ASS1: variants seen among roughly 807,000 people sequenced by gnomAD.
The protein encoded by ASS1 is argininosuccinate synthase.
In ASS1, 58 loss-of-function variants were observed where a neutral mutation model predicts 60.5. That is an observed-to-expected ratio of 0.96 (90% CI 0.78 to 1.19). The LOEUF (loss-of-function observed/expected upper bound fraction) is 1.19, where lower values mean the gene tolerates loss of function less well. ASS1 is among the 50% of genes most tolerant of loss of function. The pLI, the probability that ASS1 is intolerant of heterozygous loss-of-function variation, is 0.00. For synonymous variants in ASS1, 200 were observed against 206.9 expected, an observed-to-expected ratio of 0.97 and a Z score of 0.29; for missense variants, 454 against 547.3, an observed-to-expected ratio of 0.83 and a Z score of 1.70.
intron 14 of ASS1, among the ~76,000 whole-genome samples, chr9:130,500,425 C>T (rs1266394687): frequency 6.6e-6 from 1 of 152,148 alleles, no homozygotes; most frequent in Non-Finnish European, 1.5e-5. Flanking sequence ...TCTCCATCAC[C>T]AGCTCCCTTC....
intron 3 of ASS1, among the ~76,000 whole-genome samples, chr9:130,457,348 G>A (rs547692152): frequency 1.6e-4 from 25 of 152,180 alleles, no homozygotes; most frequent in African/African-American, 2.7e-4. Context: ...GCACATGCCC[G>A]TAGTCCCAGC....
intron 4 of ASS1, among the ~76,000 whole-genome samples, chr9:130,463,356 G>A (rs1282664080): frequency 1.3e-5 from 2 of 152,224 alleles, no homozygotes; most frequent in African/African-American, 4.8e-5. Context: ...GTGGACGGTG[G>A]TCCCGGCTAT....
At chr9:130,473,642 C>T (rs998093345) in intron 8 of ASS1, among the ~76,000 whole-genome samples, 2 of 152,112 alleles carry the variant, frequency 1.3e-5, no homozygotes, top group African/African-American at 2.4e-5. Flanking sequence ...CTGTCCCCCT[C>T]GGGATGAGCT....
intron 5 of ASS1, among the ~76,000 whole-genome samples, chr9:130,465,189 T>C (rs1017607534): frequency 1.3e-5 from 2 of 151,850 alleles, no homozygotes; most frequent in Non-Finnish European, 2.9e-5. Context: ...ACTGGGACTA[T>C]AGGCATGCGC....
At chr9:130,475,538 C>T (rs534960060) in intron 8 of ASS1, among the ~76,000 whole-genome samples, 2 of 152,114 alleles carry the variant, frequency 1.3e-5, no homozygotes, top group Non-Finnish European at 2.9e-5. Flanking sequence ...GAGGACCTCG[C>T]GGGGCTCCTG....
chr9:130,451,560 G>A, intron 1 of ASS1: 1 of 345,606 alleles, frequency 2.9e-6, no homozygotes, highest in South Asian at 2.2e-5. Flanking sequence ...GAGAGGGACT[G>A]GGGCTGGGCC....
intron 11 of ASS1, among the ~76,000 whole-genome samples, chr9:130,487,400 G>GTT (rs34339017): frequency 1.6e-3 from 243 of 147,560 alleles, no homozygotes; most frequent in Middle Eastern, 7.1e-3. Flanking sequence ...ATCCTTCATG[G>GTT]TTTTTTTTTT....
At chr9:130,453,078 T>G (rs1430818297) in intron 2 of ASS1, among the ~76,000 whole-genome samples, 1 of 152,224 alleles carries the variant, frequency 6.6e-6, no homozygotes, top group Non-Finnish European at 1.5e-5. Flanking sequence ...TATCTCCAAC[T>G]CTACTTGGCT....
At chr9:130,492,289 C>T (rs1205277111) in intron 12 of ASS1, among the ~76,000 whole-genome samples, 4 of 152,184 alleles carry the variant, frequency 2.6e-5, no homozygotes, top group African/African-American at 7.2e-5. Context: ...GCTGAGGGCA[C>T]GCCAGGGTCT....
intron 2 of ASS1, among the ~76,000 whole-genome samples, chr9:130,452,579 CGG>C (rs1845352756): frequency 6.6e-6 from 1 of 152,156 alleles, no homozygotes; most frequent in African/African-American, 2.4e-5. Flanking sequence ...GATGGAGGCG[CGG>C]GGAGGGCACA....
At chr9:130,463,308 C>T (rs1845647951) in intron 4 of ASS1, among the ~76,000 whole-genome samples, 2 of 152,234 alleles carry the variant, frequency 1.3e-5, no homozygotes, top group Admixed American at 1.3e-4. Flanking sequence ...CTGGCGGATG[C>T]CTGCGCTGAC....
At position 130,466,796 on chromosome 9, in the gene ASS1, A is replaced by G. The variant is rs1431538899; in HGVS notation, c.492A>G (p.Ala164=). Reference sequence around the variant, plus strand: ...GCCGCAATGACCTGATGGAGTACGCAAAGGTATGGCCGAGTCTCCCCACCA... The same window carrying G: ...GCCGCAATGACCTGATGGAGTACGCGAAGGTATGGCCGAGTCTCCCCACCA... ...FKGRNDLMEY[A]KQHGIPIPVT... The change falls in exon 6 of 15, where the codon GCA becomes GCG. Residue 164 remains alanine (A), a synonymous_variant. Transcript: ENST00000352480. 6.2e-7 allele frequency: 1 copy of G among 1,613,986 alleles called. No homozygotes were observed. The highest frequency in any genetic ancestry group is 8.5e-7 in the Non-Finnish European group (1 of 1,179,944).
chr9:130,461,590 C>T (rs755055618), intron 4 of ASS1, among the ~76,000 whole-genome samples: 147 of 152,224 alleles, frequency 9.7e-4, no homozygotes, highest in Non-Finnish European at 1.6e-3. Context: ...GCACAGCCAC[C>T]TCTTTCCTGG....
chr9:130,480,256 G>A, intron 10 of ASS1, 129 bp from the exon 11 acceptor site: 2 of 1,024,036 alleles, frequency 2.0e-6, no homozygotes, highest in Non-Finnish European at 3.0e-6. Context: ...ATGTCCTCTT[G>A]AGTCTTAGAT....
intron 6 of ASS1, among the ~76,000 whole-genome samples, chr9:130,469,323 G>A (rs958932125): frequency 6.6e-6 from 1 of 152,118 alleles, no homozygotes; most frequent in African/African-American, 2.4e-5. Context: ...TTAAATTTCA[G>A]TTTTCACGTG....
At chr9:130,472,743 C>T (rs1449976376) in intron 8 of ASS1, among the ~76,000 whole-genome samples, 2 of 152,206 alleles carry the variant, frequency 1.3e-5, no homozygotes, top group Non-Finnish European at 2.9e-5. Context: ...CTCAGGCCAG[C>T]CACCCTAATT....
chr9:130,470,186 C>T lies in ASS1; in HGVS notation c.496-648C>T, dbSNP rs1172920755. ...CCTGCAGCCCTCTTAGCCTGGGCCT[C>T]CTGGGCAGAGGTGGGTGTCCTCCTG... On this transcript the variant is annotated intron_variant, in intron 6 of 14. Coordinates refer to ENST00000352480, the MANE Select transcript of ASS1 (RefSeq NM_054012.4). This position sits in a 1 kb window ranked among gnomAD's most constrained non-coding sequence, Gnocchi z 4.3. Among the ~76,000 whole-genome samples the T allele has an allele frequency of 2.0e-5, 3 of 152,188 alleles. No homozygotes were observed. The highest frequency in any genetic ancestry group is 2.0e-4 in the Admixed American group (3 of 15,284).
intron 14 of ASS1, among the ~76,000 whole-genome samples, chr9:130,500,204 G>A (rs1319106364): frequency 6.6e-6 from 1 of 152,158 alleles, no homozygotes; most frequent in Non-Finnish European, 1.5e-5. Flanking sequence ...TCAGCCCAGG[G>A]CCGGTGTGCT....
intron 13 of ASS1, among the ~76,000 whole-genome samples, chr9:130,495,488 CACACACACACACAT>C: frequency 6.6e-6 from 1 of 150,984 alleles, no homozygotes; most frequent in Non-Finnish European, 1.5e-5. Context: ...CACACACACA[CACACACACACACAT>C]ATATATATAA....
Sources: gnomAD v4.1 joint callset for allele counts (sites outside exome capture counted in the v4.1 genomes callset) on GRCh38, gnomAD v4.1.1 for gene constraint, Gnocchi (gnomAD v3.1) non-coding constraint, MANE v1.5 for transcripts, NCBI Gene and HGNC (gene_info 2026-07-23, HGNC 2026-07-21) for gene names.